Variants in SAMSN1 observed in about 807,000 individuals in gnomAD.
SAMSN1 encodes SAM domain, SH3 domain and nuclear localization signals 1, also known as SAM domain-containing protein SAMSN-1.
SAMSN1 carries 31 observed loss-of-function variants against 42.0 expected under a neutral mutation model. That is an observed-to-expected ratio of 0.74 (90% CI 0.55 to 1.00). SAMSN1 has a LOEUF of 1.00. Ranked by LOEUF, SAMSN1 falls within the 50% of genes least tolerant of loss-of-function variation. The pLI is 0.00. For missense variants in SAMSN1, 464 were observed against 439.4 expected (o/e 1.06, Z -0.50); for synonymous variants, 178 against 151.9 (o/e 1.17, Z -1.26).
At chr21:14,657,281 G>C (rs1484028319) in intron 1 of SAMSN1, among the ~76,000 whole-genome samples, 1 of 151,830 alleles carries the variant, frequency 6.6e-6, no homozygotes, top group Non-Finnish European at 1.5e-5. Context: ...TAGGGTTCTT[G>C]ATGGTTCCGT....
chr21:14,512,393 T>C, intron 4 of SAMSN1, 51 bp downstream of exon 4: 1 of 1,595,960 alleles, frequency 6.3e-7, no homozygotes, highest in Non-Finnish European at 8.6e-7. Flanking sequence ...TTTTAATTAA[T>C]TTAACCCAGA....
At chr21:14,565,063 G>T (rs570195740) in intron 2 of SAMSN1, among the ~76,000 whole-genome samples, 1 of 152,146 alleles carries the variant, frequency 6.6e-6, no homozygotes, top group East Asian at 1.9e-4. Flanking sequence ...GGGAGGCTGA[G>T]GTGGGTGGAT....
At chr21:14,565,701 G>A (rs576939559) in intron 2 of SAMSN1, among the ~76,000 whole-genome samples, 8 of 151,558 alleles carry the variant, frequency 5.3e-5, no homozygotes, top group Admixed American at 1.3e-4. Flanking sequence ...GTGTGACTGC[G>A]GATGTCATCG....
chr21:14,611,766 A>C (rs1600962942), intron 4 of SAMSN1, among the ~76,000 whole-genome samples: 2 of 152,230 alleles, frequency 1.3e-5, no homozygotes, highest in Admixed American at 1.3e-4. Context: ...TAAAACGCAG[A>C]TATCCTTCAA....
intron 2 of SAMSN1, among the ~76,000 whole-genome samples, chr21:14,579,921 G>A (rs1364445336): frequency 6.6e-6 from 1 of 152,080 alleles, no homozygotes; most frequent in East Asian, 1.9e-4. Flanking sequence ...TGAAGATGAG[G>A]GCAGTGTAGA....
chr21:14,517,521 AAAG>A (rs1334968264), intron 2 of SAMSN1, among the ~76,000 whole-genome samples: 3 of 152,190 alleles, frequency 2.0e-5, no homozygotes, highest in Non-Finnish European at 4.4e-5. Context: ...TGGTTATTTT[AAAG>A]AAGTTTTTGT....
At position 14,623,774 on chromosome 21, in the gene SAMSN1, G is replaced by A. The variant is rs139404385; in HGVS notation, c.157-7758C>T. On this transcript the variant is annotated intron_variant, in intron 2 of 15. Transcript: ENST00000647101. The stretch of plus-strand genomic sequence containing the variant: ...TTGAACTCAGCTCTGCACCAAGCGG[G>A]CCTAATAGACATCTACAGAACTCTC... 5.0e-3 allele frequency among the ~76,000 whole-genome samples: 760 copies of A among 152,094 alleles called. 5 individuals carry two copies. Among genetic ancestry groups the A allele is most frequent in the African/African-American group, 0.014 (567 of 41,488 alleles).
At chr21:14,605,632 T>C (rs189428702) in intron 5 of SAMSN1, among the ~76,000 whole-genome samples, 1 of 152,194 alleles carries the variant, frequency 6.6e-6, no homozygotes. Flanking sequence ...AATATTTATA[T>C]GCTTACATTG....
chr21:14,600,092 C>T (rs1179485074), intron 6 of SAMSN1, among the ~76,000 whole-genome samples: 2 of 152,040 alleles, frequency 1.3e-5, no homozygotes, highest in Non-Finnish European at 2.9e-5. Flanking sequence ...ACAGACAGTT[C>T]TCAGATACAC....
intron 2 of SAMSN1, among the ~76,000 whole-genome samples, chr21:14,639,750 AG>A (rs1234262902): frequency 3.3e-5 from 2 of 60,114 alleles, no homozygotes; most frequent in Non-Finnish European, 9.3e-5. Flanking sequence ...CTAATATGTT[AG>A]TTTTTTTTTC....
intron 2 of SAMSN1, among the ~76,000 whole-genome samples, chr21:14,623,903 G>T (rs557571889): frequency 6.6e-6 from 1 of 152,250 alleles, no homozygotes; most frequent in African/African-American, 2.4e-5. Context: ...AAATGTAAAA[G>T]AAAAGAAATT....
chr21:14,506,549 T>C (rs1418544187), intron 5 of SAMSN1, among the ~76,000 whole-genome samples: 1 of 152,142 alleles, frequency 6.6e-6, no homozygotes, highest in Non-Finnish European at 1.5e-5. Context: ...GAAATGGTAA[T>C]TTTAAAATTA....
At chr21:14,659,005 C>T (rs2123406513), upstream of SAMSN1, among the ~76,000 whole-genome samples, 1 of 152,072 alleles carries the variant, frequency 6.6e-6, no homozygotes, top group Middle Eastern at 3.4e-3. Context: ...GAGAATGAGA[C>T]TTACCACGAT....
chr21:14,577,488 A>C (rs1016729816), intron 2 of SAMSN1, among the ~76,000 whole-genome samples: 1 of 151,452 alleles, frequency 6.6e-6, no homozygotes, highest in South Asian at 2.1e-4. Context: ...TGAAAAATAT[A>C]TGTGTTATTA....
intron 5 of SAMSN1, 23 bp downstream of exon 5, chr21:14,510,287 G>C: frequency 1.9e-6 from 3 of 1,611,892 alleles, no homozygotes; most frequent in Non-Finnish European, 2.5e-6. Context: ...CCATTCAGAA[G>C]GTGGGATATG....
chr21:14,491,181 C>G (rs1037792778), intron 7 of SAMSN1, among the ~76,000 whole-genome samples: 2 of 151,986 alleles, frequency 1.3e-5, no homozygotes, highest in African/African-American at 4.8e-5. Flanking sequence ...AACACATTAC[C>G]CCAAAATATG....
Position 14,565,571 on chromosome 21 carries a change from A to G in SAMSN1, c.261+16565T>C, listed in dbSNP as rs1281233742. Among the ~76,000 whole-genome samples the G allele has an allele frequency of 3.9e-5, 6 of 152,260 alleles. 1 individual carries two copies. The South Asian group carries it at 6.2e-4, about 16-fold the overall frequency. On this transcript the variant is annotated intron_variant, in intron 2 of 8. Coordinates refer to the SAMSN1 transcript ENST00000285670. ...TAACATGGGTTCTTGGCCTCCATCT[A>G]TATACCAAGCAGAGATCTAAGCACC...
chr21:14,569,030 T>C (rs999479163), intron 2 of SAMSN1, among the ~76,000 whole-genome samples: 1 of 152,166 alleles, frequency 6.6e-6, no homozygotes, highest in Non-Finnish European at 1.5e-5. Context: ...AGTAGCTTCA[T>C]GCCTATAATC....
chr21:14,578,945 T>A (rs1981604520), intron 2 of SAMSN1, among the ~76,000 whole-genome samples: 1 of 152,148 alleles, frequency 6.6e-6, no homozygotes, highest in South Asian at 2.1e-4. Flanking sequence ...GCACATCTTT[T>A]CAAACCCCAA....
Sources: allele counts gnomAD v4.1 joint callset (sites outside exome capture counted in the v4.1 genomes callset), GRCh38; gene constraint gnomAD v4.1.1; transcripts MANE v1.5; gene names NCBI Gene and HGNC (gene_info 2026-07-23, HGNC 2026-07-21).